TCERG1L: variants seen among roughly 807,000 people sequenced by gnomAD.
TCERG1L encodes transcription elongation regulator 1-like protein.
TCERG1L carries 37 observed loss-of-function variants against 56.3 expected under a neutral mutation model. The ratio of observed to expected loss-of-function variants is 0.66; its 90% CI spans 0.51 to 0.87. TCERG1L has a LOEUF of 0.87. TCERG1L is among the 40% of genes least tolerant of loss of function. TCERG1L has a pLI of 0.00. For synonymous variants in TCERG1L, 324 were observed against 326.3 expected, an observed-to-expected ratio of 0.99 and a Z score of 0.08; for missense variants, 799 against 774.2, an observed-to-expected ratio of 1.03 and a Z score of -0.38.
chr10:131,156,951 AC>A, intron 6 of TCERG1L, among the ~76,000 whole-genome samples: 1 of 152,216 alleles, frequency 6.6e-6, no homozygotes, highest in East Asian at 1.9e-4. Context: ...TCCTGCTACA[AC>A]ACCTACAACA....
chr10:131,158,801 C>T (rs377602407), intron 6 of TCERG1L, among the ~76,000 whole-genome samples: 4 of 152,336 alleles, frequency 2.6e-5, no homozygotes, highest in East Asian at 1.9e-4. Context: ...GAGGATGCAC[C>T]GTCATGGGAC....
chr10:131,245,888 G>C (rs566068634), intron 4 of TCERG1L, among the ~76,000 whole-genome samples: 1 of 152,136 alleles, frequency 6.6e-6, no homozygotes, highest in African/African-American at 2.4e-5. Context: ...CAGAGGCCTC[G>C]GGTGGATGGG....
At chr10:131,214,291 T>C (rs898801125) in intron 4 of TCERG1L, among the ~76,000 whole-genome samples, 3 of 152,024 alleles carry the variant, frequency 2.0e-5, no homozygotes, top group African/African-American at 7.2e-5. Flanking sequence ...ACAGTCCCCA[T>C]GGGACCCCCA....
At position 131,120,069 on chromosome 10, in the gene TCERG1L, C is replaced by A. The variant is rs528195005; in HGVS notation, c.1260-3135G>T. ...TTCTTCCCTTCTGTGTGGTGACCAT[C>A]CTACCCCTAAGCAGGGGTGCTCTCT... On this transcript the variant is annotated intron_variant, in intron 8 of 11. Transcript: ENST00000368642. Among the ~76,000 whole-genome samples, 596 of 152,326 alleles carry A rather than the reference C, an allele frequency of 3.9e-3. 1 individual carries two copies. The highest frequency in any genetic ancestry group is 0.014 in the African/African-American group (571 of 41,572).
At chr10:131,183,476 C>G (rs1321908988) in intron 4 of TCERG1L, among the ~76,000 whole-genome samples, 1 of 152,166 alleles carries the variant, frequency 6.6e-6, no homozygotes, top group Non-Finnish European at 1.5e-5. Context: ...GGTCCATCCA[C>G]CAGAACTTGT....
intron 9 of TCERG1L, among the ~76,000 whole-genome samples, chr10:131,111,856 G>A (rs1315964445): frequency 7.0e-6 from 1 of 143,404 alleles, no homozygotes; most frequent in Non-Finnish European, 1.6e-5. Context: ...GTTGAGGGCG[G>A]CCTGCCCTTG....
At chr10:131,148,721 G>A (rs1370008062) in intron 6 of TCERG1L, among the ~76,000 whole-genome samples, 1 of 152,228 alleles carries the variant, frequency 6.6e-6, no homozygotes, top group Non-Finnish European at 1.5e-5. Flanking sequence ...GCCTCTGGAA[G>A]ATGGAAAAGG....
chr10:131,147,535 C>T (rs1257712418), intron 6 of TCERG1L, among the ~76,000 whole-genome samples: 4 of 152,212 alleles, frequency 2.6e-5, no homozygotes, highest in Non-Finnish European at 5.9e-5. Context: ...TGTCAGGGTG[C>T]TATTAGAGAT....
At chr10:131,150,536 C>T (rs1267744076) in intron 6 of TCERG1L, among the ~76,000 whole-genome samples, 2 of 152,210 alleles carry the variant, frequency 1.3e-5, no homozygotes, top group African/African-American at 4.8e-5. Context: ...CTTGGTAACT[C>T]GCCAGCTTTC....
chr10:131,253,984 A>G (rs200010218), intron 4 of TCERG1L, among the ~76,000 whole-genome samples: 1 of 93,684 alleles, frequency 1.1e-5, no homozygotes, highest in Non-Finnish European at 2.6e-5. Flanking sequence ...CAGTGAGGAG[A>G]AGGAGTTCGT....
chr10:131,172,117 C>T (rs961678105), intron 4 of TCERG1L, among the ~76,000 whole-genome samples: 3 of 152,290 alleles, frequency 2.0e-5, no homozygotes, highest in Admixed American at 1.3e-4. Context: ...TCTGGGATTC[C>T]AAGTGTCAAC....
In TCERG1L at chr10:131,173,283, C is replaced by T. The variant is rs530135843; in HGVS notation, c.857-6398G>A. Among the ~76,000 whole-genome samples the T allele has an allele frequency of 5.3e-5, 8 of 152,292 alleles. No homozygotes were observed. The South Asian group carries it at 1.7e-3, about 32-fold the overall frequency. The stretch of plus-strand genomic sequence containing the variant: ...TGAGATAAAGTAGGCACACTGATCT[C>T]ATTTAACAACTGAGAAAAGCAGACT... On this transcript the variant is annotated intron_variant, in intron 4 of 11. Transcript: ENST00000368642.
At chr10:131,098,858 G>C (rs1845276013) in intron 10 of TCERG1L, among the ~76,000 whole-genome samples, 1 of 152,234 alleles carries the variant, frequency 6.6e-6, no homozygotes, top group Admixed American at 6.5e-5. Context: ...CCAGAACACA[G>C]CAGAGCACTT....
chr10:131,289,184 G>T lies in TCERG1L; in HGVS notation c.670+19027C>A, dbSNP rs59989780. On this transcript the variant is annotated intron_variant, in intron 3 of 11. Coordinates refer to ENST00000368642, the MANE Select transcript of TCERG1L (RefSeq NM_174937.4). ...AATCAAGCATCGCCTTAACACAGGC[G>T]TTTCTTTTCGGAACAGATGGACAAG... Among the ~76,000 whole-genome samples the T allele has an allele frequency of 6.6e-3, 998 of 150,306 alleles. 9 individuals carry two copies. Among genetic ancestry groups the T allele is most frequent in the African/African-American group, 0.023 (940 of 40,802 alleles).
rs888372520 is a variant in TCERG1L at position 131,245,789 on chromosome 10, C to T, written c.856+14470G>A. ...GGAGGGGTGCAGTGGGTGGGAAGTG[C>T]GCACGGGGCCTTTGTATCAGAGCTC... On this transcript the variant is annotated intron_variant, in intron 4 of 11. Coordinates refer to ENST00000368642, the MANE Select transcript of TCERG1L (RefSeq NM_174937.4). Among the ~76,000 whole-genome samples the T allele has an allele frequency of 5.3e-5, 8 of 152,132 alleles. No individual in the cohort carries two copies. The East Asian group carries it at 1.4e-3, about 26-fold the overall frequency.
At chr10:131,171,462 G>A (rs1846092365) in intron 4 of TCERG1L, among the ~76,000 whole-genome samples, 1 of 152,206 alleles carries the variant, frequency 6.6e-6, no homozygotes, top group Non-Finnish European at 1.5e-5. Context: ...CCTGGGGTCA[G>A]GCCTCAGCTC....
chr10:131,303,735 C>A (rs1049461958), intron 3 of TCERG1L, among the ~76,000 whole-genome samples: 1 of 152,010 alleles, frequency 6.6e-6, no homozygotes, highest in African/African-American at 2.4e-5. Flanking sequence ...ATGCATAATT[C>A]GTTCTTCTCT....
At chr10:131,190,118 A>G (rs1845288486) in intron 4 of TCERG1L, among the ~76,000 whole-genome samples, 1 of 152,216 alleles carries the variant, frequency 6.6e-6, no homozygotes, top group Non-Finnish European at 1.5e-5. Context: ...GAGAAATAAA[A>G]AAGATCATTT....
chr10:131,118,420 C>G lies in TCERG1L; in HGVS notation c.1260-1486G>C, dbSNP rs1165172209. ...TCTCCTGGGCCACAGTCTCCCCAAG[C>G]TCCACTGAACTTCTCAGTAGGCCTA... is the stretch of plus-strand genomic sequence containing the variant. On this transcript the variant is annotated intron_variant, in intron 8 of 11. Coordinates refer to ENST00000368642, the MANE Select transcript of TCERG1L (RefSeq NM_174937.4). This position sits in a 1 kb window ranked among gnomAD's most constrained non-coding sequence, Gnocchi z 4.2. 6.6e-6 allele frequency among the ~76,000 whole-genome samples: 1 copy of G among 152,200 alleles called. No individual in the cohort carries two copies. Among genetic ancestry groups the G allele is most frequent in the Non-Finnish European group, 1.5e-5 (1 of 68,038 alleles).
Sources: gnomAD v4.1 joint callset for allele counts (sites outside exome capture counted in the v4.1 genomes callset) on GRCh38, gnomAD v4.1.1 for gene constraint, Gnocchi (gnomAD v3.1) non-coding constraint, MANE v1.5 for transcripts, NCBI Gene and HGNC (gene_info 2026-07-23, HGNC 2026-07-21) for gene names.